CAST: variants seen among roughly 807,000 people sequenced by gnomAD.
CAST encodes the protein MIR583 host.
CAST carries 76 observed loss-of-function variants against 119.6 expected under a neutral mutation model. The ratio of observed to expected loss-of-function variants is 0.64; its 90% CI spans 0.53 to 0.77. The LOEUF (loss-of-function observed/expected upper bound fraction) is 0.77. Ranked by LOEUF, CAST falls within the 30% of genes least tolerant of loss-of-function variation. The probability of loss-of-function intolerance (pLI) is 0.00; values close to 1 mark genes in which losing one functional copy is unlikely to be tolerated. For missense variants in CAST, 953 were observed against 946.5 expected, an observed-to-expected ratio of 1.01 and a Z score of -0.09; for synonymous variants, 319 against 331.6, an observed-to-expected ratio of 0.96 and a Z score of 0.41.
chr5:96,559,449 C>T (rs1324914591), intron 1 of CAST, among the ~76,000 whole-genome samples: 1 of 152,126 alleles, frequency 6.6e-6, no homozygotes, highest in Admixed American at 6.5e-5. Flanking sequence ...GATTGTATAT[C>T]TAGAAAACCC....
At chr5:96,358,264 A>G in the CAST span, among the ~76,000 whole-genome samples, 8 of 152,104 alleles carry the variant, frequency 5.3e-5, no homozygotes, top group South Asian at 4.2e-4. Flanking sequence ...TATTTTGTTA[A>G]TCTTTTCAAA....
At chr5:96,682,562 G>A (rs2150268549) in intron 2 of CAST, among the ~76,000 whole-genome samples, 1 of 151,582 alleles carries the variant, frequency 6.6e-6, no homozygotes, top group South Asian at 2.1e-4. Context: ...TTCAGTCTTC[G>A]GGGTAATGAT....
chr5:96,204,085 TTTCTC>T, the CAST span, among the ~76,000 whole-genome samples: 2 of 151,996 alleles, frequency 1.3e-5, no homozygotes, highest in African/African-American at 4.8e-5. Flanking sequence ...AGAGTGATCT[TTTCTC>T]TTAACTTAGT....
chr5:95,963,788 G>T, the CAST span, among the ~76,000 whole-genome samples: 1 of 147,036 alleles, frequency 6.8e-6, no homozygotes, highest in East Asian at 2.0e-4. Context: ...TAATTATTTG[G>T]GAGGTGAGGG....
At chr5:96,201,822 C>G in the CAST span, among the ~76,000 whole-genome samples, 1,108 of 152,210 alleles carry the variant, frequency 7.3e-3, 19 homozygotes, top group African/African-American at 0.026. Flanking sequence ...CTGTCTACTT[C>G]TTTCTCCTTG....
the CAST span, among the ~76,000 whole-genome samples, chr5:96,251,009 GAAGGTACA>G: frequency 4.6e-5 from 7 of 151,834 alleles, no homozygotes; most frequent in Non-Finnish European, 1.0e-4. Flanking sequence ...ACAAAGGTAC[GAAGGTACA>G]AAGGTACAGA....
the CAST span, among the ~76,000 whole-genome samples, chr5:96,232,301 T>G: frequency 1.3e-5 from 2 of 152,074 alleles, no homozygotes; most frequent in African/African-American, 2.4e-5. Flanking sequence ...TAGAGAAAAC[T>G]GATACAAAAT....
chr5:96,768,163 G>A (rs954393474), intron 29 of CAST, among the ~76,000 whole-genome samples, 164 bp downstream of exon 29: 16 of 152,112 alleles, frequency 1.1e-4, no homozygotes, highest in African/African-American at 3.9e-4. Context: ...AGCTTACTGC[G>A]ATCTCTGCTT....
chr5:96,741,576 A>G lies in CAST; in HGVS notation c.1094A>G (p.Glu365Gly), dbSNP rs1762679028. 1 of 1,608,970 alleles carries G rather than the reference A, an allele frequency of 6.2e-7. No individual in the cohort carries two copies. The highest frequency in any genetic ancestry group is 1.1e-5 in the South Asian group (1 of 90,932). ...APPQEKKRKV[E>G]KDTMSDQALE... ...CCCCAAGAGAAGAAAAGAAAGGTGGAGAAGGTATAGTCACAGTCTACCTGA... is the reference window on the plus strand; with the variant it reads ...CCCCAAGAGAAGAAAAGAAAGGTGGGGAAGGTATAGTCACAGTCTACCTGA... The change falls in exon 15 of 32, where the codon GAG becomes GGG. Residue 365 changes from glutamate (E) to glycine (G), a missense_variant. Transcript: ENST00000675179.
the CAST span, among the ~76,000 whole-genome samples, chr5:96,204,052 G>A: frequency 1.3e-5 from 2 of 152,062 alleles, no homozygotes; most frequent in African/African-American, 4.8e-5. Context: ...CTAATGAAAA[G>A]ACATTGTGTT....
At chr5:96,563,594 A>C (rs1746419914) in intron 1 of CAST, among the ~76,000 whole-genome samples, 1 of 152,158 alleles carries the variant, frequency 6.6e-6, no homozygotes, top group African/African-American at 2.4e-5. Context: ...CATACTTGTC[A>C]CTGTGTCTAT....
the CAST span, among the ~76,000 whole-genome samples, chr5:96,114,212 T>C: frequency 6.6e-6 from 1 of 152,112 alleles, no homozygotes; most frequent in Non-Finnish European, 1.5e-5. Flanking sequence ...GGAGAGATAG[T>C]AGAAGCAGAG....
the CAST span, among the ~76,000 whole-genome samples, chr5:96,463,010 C>T: frequency 6.6e-6 from 1 of 151,906 alleles, no homozygotes; most frequent in African/African-American, 2.4e-5. Context: ...TATAAATTAC[C>T]GAGTCTCAGA....
the CAST span, among the ~76,000 whole-genome samples, chr5:96,076,023 C>T: frequency 6.6e-6 from 1 of 152,172 alleles, no homozygotes; most frequent in Non-Finnish European, 1.5e-5. Context: ...GGGCATCCTA[C>T]TCATGTTTCA....
the CAST span, among the ~76,000 whole-genome samples, chr5:96,311,462 T>C: frequency 6.6e-6 from 1 of 152,070 alleles, no homozygotes; most frequent in Non-Finnish European, 1.5e-5. Context: ...TCAAGTCCAA[T>C]GTTTCCACAT....
chr5:96,629,412 C>T (rs569837448), intron 1 of CAST, among the ~76,000 whole-genome samples: 8 of 148,856 alleles, frequency 5.4e-5, no homozygotes, highest in African/African-American at 1.5e-4. Flanking sequence ...TTCTTTCCAG[C>T]GCTCCCCTCT....
intron 1 of CAST, among the ~76,000 whole-genome samples, chr5:96,581,916 A>ATAAG (rs1461106425): frequency 1.4e-4 from 22 of 151,820 alleles, no homozygotes; most frequent in African/African-American, 5.3e-4. Context: ...AAATAAATAA[A>ATAAG]TAAACAATCT....
the CAST span, chr5:96,432,067 G>A: frequency 6.6e-7 from 1 of 1,522,998 alleles, no homozygotes; most frequent in Non-Finnish European, 8.8e-7. Context: ...AAATTCCCGG[G>A]AAAACGATTA....
the CAST span, among the ~76,000 whole-genome samples, chr5:96,469,208 G>C: frequency 6.6e-6 from 1 of 152,072 alleles, no homozygotes; most frequent in Non-Finnish European, 1.5e-5. Flanking sequence ...TTTTTAAATA[G>C]ATGGTAAAGT....
Sources: gnomAD v4.1 joint callset for allele counts (sites outside exome capture counted in the v4.1 genomes callset) on GRCh38, gnomAD v4.1.1 for gene constraint, MANE v1.5 for transcripts, NCBI Gene and HGNC (gene_info 2026-07-23, HGNC 2026-07-21) for gene names.